Variants in RPH3A observed in about 807,000 individuals in gnomAD.
The protein encoded by RPH3A is rabphilin 3A.
A neutral mutation model predicts 102.2 loss-of-function variants in RPH3A; 48 were observed. The ratio of observed to expected loss-of-function variants is 0.47; its 90% confidence interval spans 0.37 to 0.60. RPH3A has a LOEUF of 0.60. Among genes scored for constraint, RPH3A ranks in the 20% least tolerant of loss-of-function variants. The pLI is 0.00. For missense variants in RPH3A, 781 were observed against 910.1 expected (o/e 0.86, Z 1.83); for synonymous variants, 310 against 324.3 (o/e 0.96, Z 0.47).
rs529826755 is a variant in RPH3A at position 112,712,925 on chromosome 12, CTCTTCTTCT to C, written c.-139-79186_-139-79178del. ...CTTCCTCTTCTTCTTCTTCTTCTTCCTCTTCTTCTTCTTCTTCTTCTTCTTCTTCTTCTT... is the reference window on the plus strand; with the variant it reads ...CTTCCTCTTCTTCTTCTTCTTCTTCCTCTTCTTCTTCTTCTTCTTCTTCTT... On this transcript the variant is annotated intron_variant, in intron 1 of 21. Coordinates refer to the RPH3A transcript ENST00000543106. 1.2e-3 allele frequency among the ~76,000 whole-genome samples: 111 copies of C among 94,570 alleles called. 4 individuals are homozygous for C. Among genetic ancestry groups the C allele is most frequent in the African/African-American group, 2.0e-3 (43 of 21,934 alleles). The allele number at this position is 94,570 out of a possible 152,430, so 62.0% of individuals were successfully genotyped here. A position where few individuals can be genotyped will look rare whatever the true frequency, so the allele number is the denominator to read the frequency against.
intron 1 of RPH3A, among the ~76,000 whole-genome samples, chr12:112,674,139 C>T (rs2040155262): frequency 6.6e-6 from 1 of 152,160 alleles, no homozygotes; most frequent in South Asian, 2.1e-4. Flanking sequence ...CTCACTGTAG[C>T]CTCAAACTCC....
intron 1 of RPH3A, among the ~76,000 whole-genome samples, chr12:112,769,989 T>A (rs768154208): frequency 1.4e-4 from 22 of 152,236 alleles, no homozygotes; most frequent in Non-Finnish European, 2.6e-4. Flanking sequence ...ATGCATTTCT[T>A]CAAAGACTGT....
Position 112,866,760 on chromosome 12 carries a change from G to A in RPH3A, c.364G>A (p.Val122Ile), listed in dbSNP as rs555846302. The A allele has an allele frequency of 6.6e-5, 106 of 1,608,772 alleles. No individual in the cohort carries two copies. The African/African-American group carries it at 1.1e-3, about 16-fold the overall frequency. Residue 122 changes from valine to isoleucine, a missense_variant, in exon 7 of 22, where the codon GTC becomes ATC. Around this residue, in one of 2 missense-constraint regions of RPH3A, gnomAD observed 730 missense variants for 810.0 expected, o/e 0.90. Coordinates refer to ENST00000389385, the MANE Select transcript of RPH3A (RefSeq NM_001143854.2). The stretch of plus-strand genomic sequence containing the variant: ...GTTGGCTGTGTTTCATCCACAGAAC[G>A]TCTGCACCAAGTGCGGAGTGGAGAC... ...CVVCEDCKKN[V>I]CTKCGVETNN...
At chr12:112,652,300 A>T (rs1274637624) in intron 1 of RPH3A, among the ~76,000 whole-genome samples, 1 of 151,936 alleles carries the variant, frequency 6.6e-6, no homozygotes, top group Non-Finnish European at 1.5e-5. Flanking sequence ...ACATAGTGAG[A>T]CTCTGTCTGT....
intron 1 of RPH3A, among the ~76,000 whole-genome samples, chr12:112,711,011 A>G (rs1174301742): frequency 6.6e-6 from 1 of 151,964 alleles, no homozygotes; most frequent in Non-Finnish European, 1.5e-5. Context: ...TCCAGTTCAG[A>G]AGAACTCCAA....
chr12:112,836,644 T>TA (rs2042056363), intron 4 of RPH3A, 142 bp downstream of exon 4: 28 of 332,702 alleles, frequency 8.4e-5, no homozygotes, highest in South Asian at 2.1e-4. Context: ...AAAGCTAAGT[T>TA]AAAAAAAACA....
intron 1 of RPH3A, among the ~76,000 whole-genome samples, chr12:112,736,080 AAATTT>A (rs2040667571): frequency 6.6e-6 from 1 of 152,140 alleles, no homozygotes; most frequent in African/African-American, 2.4e-5. Context: ...AGCCCAGCTC[AAATTT>A]GTCTTGACTT....
At chr12:112,653,128 C>A (rs922066955) in intron 1 of RPH3A, among the ~76,000 whole-genome samples, 2 of 152,040 alleles carry the variant, frequency 1.3e-5, no homozygotes, top group Non-Finnish European at 2.9e-5. Flanking sequence ...AGGTGGCTCA[C>A]ACCTGTAATC....
chr12:112,661,222 G>A (rs890391226), intron 1 of RPH3A, among the ~76,000 whole-genome samples: 2 of 152,124 alleles, frequency 1.3e-5, no homozygotes, highest in Admixed American at 1.3e-4. Context: ...ATGAGATCTT[G>A]GGTGCCTCAC....
At chr12:112,877,710 C>A (rs548239154) in intron 13 of RPH3A, among the ~76,000 whole-genome samples, 14 of 152,336 alleles carry the variant, frequency 9.2e-5, no homozygotes, top group Middle Eastern at 3.4e-3. Flanking sequence ...CCACCTCCCC[C>A]ACAGGCTAAG....
chr12:112,621,757 G>A (rs1341257107), intron 1 of RPH3A, among the ~76,000 whole-genome samples: 1 of 151,980 alleles, frequency 6.6e-6, no homozygotes, highest in Non-Finnish European at 1.5e-5. Context: ...TGGGGGCAGG[G>A]CACAGACAAA....
At chr12:112,580,885 T>G (rs2039396070) in intron 1 of RPH3A, among the ~76,000 whole-genome samples, 1 of 152,162 alleles carries the variant, frequency 6.6e-6, no homozygotes, top group Non-Finnish European at 1.5e-5. Context: ...GAAGGTAAAT[T>G]ATAGAAGAGT....
At chr12:112,723,840 A>G (rs2040568385) in intron 1 of RPH3A, among the ~76,000 whole-genome samples, 1 of 152,204 alleles carries the variant, frequency 6.6e-6, no homozygotes, top group Admixed American at 6.5e-5. Context: ...AATGTTATGC[A>G]GTTATGGTTT....
intron 1 of RPH3A, among the ~76,000 whole-genome samples, chr12:112,587,451 A>C (rs947835295): frequency 6.6e-6 from 1 of 152,194 alleles, no homozygotes; most frequent in Non-Finnish European, 1.5e-5. Flanking sequence ...ATCTTGGATA[A>C]TTGCTTAACC....
intron 1 of RPH3A, among the ~76,000 whole-genome samples, chr12:112,680,477 A>G (rs956152057): frequency 1.4e-4 from 21 of 152,176 alleles, no homozygotes; most frequent in African/African-American, 4.1e-4. Context: ...CTCCCATTTA[A>G]TAGATGAGGA....
chr12:112,861,249 G>A (rs1020160879), intron 5 of RPH3A, among the ~76,000 whole-genome samples: 23 of 152,204 alleles, frequency 1.5e-4, no homozygotes, highest in African/African-American at 5.5e-4. Context: ...TTGAAGTCCA[G>A]AGAGGCAAAA....
intron 1 of RPH3A, among the ~76,000 whole-genome samples, chr12:112,773,874 A>C (rs1302340514): frequency 6.6e-6 from 1 of 152,118 alleles, no homozygotes. Flanking sequence ...TGAGCTCAGG[A>C]GTTCGAGACC....
chr12:112,756,386 AT>A (rs930036306), intron 1 of RPH3A, among the ~76,000 whole-genome samples: 3 of 152,144 alleles, frequency 2.0e-5, no homozygotes, highest in African/African-American at 7.2e-5. Flanking sequence ...CTAATTTTGT[AT>A]TTTTGGTAGA....
At chr12:112,794,970 G>T (rs1360820042) in intron 2 of RPH3A, among the ~76,000 whole-genome samples, 4 of 152,218 alleles carry the variant, frequency 2.6e-5, no homozygotes, top group African/African-American at 9.7e-5. Flanking sequence ...GTTGGCAGGA[G>T]AGAGGCAGCA....
Sources: gnomAD v4.1 joint callset for allele counts (sites outside exome capture counted in the v4.1 genomes callset) on GRCh38, gnomAD v4.1.1 for gene constraint, gnomAD v4.1.1 regional missense constraint, MANE v1.5 for transcripts, NCBI Gene and HGNC (gene_info 2026-07-23, HGNC 2026-07-21) for gene names.